DHX38: variants seen among roughly 807,000 people sequenced by gnomAD.
DHX38 encodes the protein pre-mRNA-splicing factor ATP-dependent RNA helicase PRP16.
A neutral mutation model predicts 153.1 loss-of-function variants in DHX38; 100 were observed. The observed-to-expected ratio is 0.65, with a 90% CI of 0.56 to 0.77. The LOEUF is 0.77. DHX38 is among the 30% of genes least tolerant of loss of function. DHX38 has a pLI of 0.00. For missense variants in DHX38, 1,440 were observed against 1,654.0 expected (o/e 0.87, Z 2.24); for synonymous variants, 650 against 631.7 (o/e 1.03, Z -0.43).
chr16:72,101,844 G>T (rs951564190), intron 11 of DHX38, among the ~76,000 whole-genome samples: 1 of 152,128 alleles, frequency 6.6e-6, no homozygotes, highest in Admixed American at 6.5e-5. Flanking sequence ...CTGGTGTTGT[G>T]AGAGGAAGGA....
rs1309762344 is a variant in DHX38 at position 72,103,954 on chromosome 16, T to C, written c.1833T>C (p.Tyr611=). Residue 611 remains tyrosine (Y), a synonymous_variant, in exon 14 of 27, where the codon TAT becomes TAC. Transcript: ENST00000268482. The part of the protein sequence containing the change: ...MGGNLGEEVG[Y]AIRFEDCTSE... Reference sequence around the variant, plus strand: ...ATCTCTCTGACCTCCAGGTGGGCTATGCCATCCGCTTTGAAGACTGCACTT... The same window carrying C: ...ATCTCTCTGACCTCCAGGTGGGCTACGCCATCCGCTTTGAAGACTGCACTT... 1 of 1,614,032 alleles carries C rather than the reference T, an allele frequency of 6.2e-7. No homozygotes were observed. Among genetic ancestry groups the C allele is most frequent in the Non-Finnish European group, 8.5e-7 (1 of 1,179,916 alleles).
rs1292509198 is a variant in DHX38, at chr16:72,105,268, C to A, written c.2299C>A (p.Leu767Met). 1.2e-6 allele frequency: 2 copies of A among 1,614,186 alleles called. No homozygotes were observed. Among genetic ancestry groups the A allele is most frequent in the Non-Finnish European group, 1.7e-6 (2 of 1,180,036 alleles). The part of the protein sequence containing the change: ...SDQIVEHLEE[L>M]ENAPALAVLP... ...CCAGATTGTGGAGCATCTGGAGGAA[C>A]TGGAGAACGCGCCTGCCCTGGCTGT... Residue 767 changes from leucine (L) to methionine (M), a missense_variant, in exon 17 of 27, where the codon CTG becomes ATG. Coordinates refer to ENST00000268482, the MANE Select transcript of DHX38 (RefSeq NM_014003.4).
rs779488493 is a variant in DHX38, at chr16:72,100,521, A to C, written c.1202A>C (p.Asn401Thr). Residue 401 changes from asparagine to threonine, a missense_variant, in exon 9 of 27, where the codon AAC (asparagine) becomes ACC (threonine). Asn to Thr is a moderately conservative substitution (Grantham distance 65). This residue lies in a region of DHX38 where 77 missense variants were observed against 125.4 expected (regional missense o/e 0.61). Transcript: ENST00000268482. ...GTGGATGAGGACTTTGAAGAGGACA[A>C]CGCGGCCAAGGTGCATCTGATGGTG... ...LEVDEDFEED[N>T]AAKVHLMVHN... 14 of 1,614,038 alleles carry C rather than the reference A, an allele frequency of 8.7e-6. No individual in the cohort carries two copies. The highest frequency in any genetic ancestry group is 1.2e-5 in the Non-Finnish European group (14 of 1,180,024).
At chr16:72,100,377 C>T in intron 8 of DHX38, 59 bp from the exon 9 acceptor site, 2 of 1,573,464 alleles carry the variant, frequency 1.3e-6, no homozygotes, top group Non-Finnish European at 8.6e-7. Context: ...TACCTCATAA[C>T]CTTTCAGGAC....
rs758302299 is a variant in DHX38 at position 72,104,161 on chromosome 16, G to A, written c.2010+30G>A. 72 of 1,607,646 alleles carry A rather than the reference G, an allele frequency of 4.5e-5. No homozygotes were observed. The highest frequency in any genetic ancestry group is 4.9e-5 in the Non-Finnish European group (58 of 1,175,564). ...GGGCTGTGTGGTTTGGTCTCTCTGC[G>A]CATGGGGTGTTGACCAGTGCACCAC... is the stretch of plus-strand genomic sequence containing the variant. On this transcript the variant is annotated intron_variant, in intron 14 of 26. Transcript: ENST00000268482. The surrounding 1 kb of genome is among the most constrained non-coding windows in gnomAD (Gnocchi z 4.5).
intron 17 of DHX38, 37 bp from the exon 18 acceptor site, chr16:72,105,480 G>A (rs1264616884): frequency 6.2e-7 from 1 of 1,612,554 alleles, no homozygotes; most frequent in Non-Finnish European, 8.5e-7. Flanking sequence ...CCTGTCTCGA[G>A]GGACTCATTT....
chr16:72,101,543 A>G lies in DHX38; in HGVS notation c.1430A>G (p.Asp477Gly). 6.4e-7 allele frequency: 1 copy of G among 1,552,106 alleles called. No homozygotes were observed. Among genetic ancestry groups the G allele is most frequent in the East Asian group, 2.4e-5 (1 of 40,936 alleles). The change falls in exon 11 of 27, where the codon GAT (aspartate) becomes GGT (glycine). Residue 477 changes from aspartate (D) to glycine (G), a missense_variant. By Grantham distance (94) the Asp-to-Gly change is moderately conservative (BLOSUM62 -1). Transcript: ENST00000268482. ...GAACTGGCGGGGACCAAACTGGGAG[A>G]TATAATGGGCGTCAAGAAGGAGGAA... ...HWELAGTKLG[D>G]IMGVKKEEEP...
chr16:72,109,960 C>T (rs1258427706), intron 25 of DHX38, among the ~76,000 whole-genome samples: 6 of 152,076 alleles, frequency 3.9e-5, no homozygotes, highest in Admixed American at 1.3e-4. Context: ...TAAATATAAC[C>T]TCTGTGCCGT....
At position 72,103,074 on chromosome 16, in the gene DHX38, G is replaced by A. The variant is rs1474591365; in HGVS notation, c.1500G>A (p.Arg500=). 2.5e-6 allele frequency: 4 copies of A among 1,614,060 alleles called. No homozygotes were observed. Among genetic ancestry groups the A allele is most frequent in the Non-Finnish European group, 3.4e-6 (4 of 1,180,038 alleles). ...TGTTTAGGCTGCTGTGTGTTCCTAG[G>A]ACAGAGCAGAAGTTTGCAGATCACA... ...AVTEDGKVDY[R]TEQKFADHMK... The change falls in exon 12 of 27, where the codon AGG becomes AGA. Residue 500 remains arginine (R), a splice_region_variant and synonymous_variant. Transcript: ENST00000268482.
At position 72,096,151 on chromosome 16, in the gene DHX38, T is replaced by G; in HGVS notation, c.-7T>G. ...GCCTTCCTTCCAGAGAAATCCCAGA[T>G]CCTGTGATGGGGGACACCAGTGAGG... On this transcript the variant is annotated 5_prime_UTR_variant, in exon 2 of 27. Coordinates refer to ENST00000268482, the MANE Select transcript of DHX38 (RefSeq NM_014003.4). 6.3e-7 allele frequency: 1 copy of G among 1,590,008 alleles called. No homozygotes were observed. The highest frequency in any genetic ancestry group is 8.6e-7 in the Non-Finnish European group (1 of 1,162,968).
chr16:72,105,600 C>A lies in DHX38; in HGVS notation c.2463C>A (p.Ile821=). 6.2e-7 allele frequency: 1 copy of A among 1,614,090 alleles called. No individual in the cohort carries two copies. Among genetic ancestry groups the A allele is most frequent in the Non-Finnish European group, 8.5e-7 (1 of 1,180,014 alleles). ...SLTVDGIMFV[I]DSGYCKLKVF... ...CTGTTGACGGCATCATGTTTGTTAT[C>A]GATTCTGGTTATTGCAAATTAAAGG... Residue 821 remains isoleucine, a synonymous_variant, in exon 18 of 27, where the codon ATC becomes ATA. Coordinates refer to ENST00000268482, the MANE Select transcript of DHX38 (RefSeq NM_014003.4).
rs1234464610 is a variant in DHX38, at chr16:72,104,083, C to T, written c.1962C>T (p.Ala654=). 1.2e-6 allele frequency: 2 copies of T among 1,614,110 alleles called. No individual in the cohort carries two copies. The highest frequency in any genetic ancestry group is 3.3e-5 in the Admixed American group (2 of 60,014). Residue 654 remains alanine, a synonymous_variant, in exon 14 of 27, where the codon GCC becomes GCT. Transcript: ENST00000268482. This position sits in a 1 kb window ranked among gnomAD's most constrained non-coding sequence, Gnocchi z 4.5. ...ACAGTGCCATCATCATGGACGAGGC[C>T]CACGAGCGCTCCCTCAACACTGACG... ...DHYSAIIMDE[A]HERSLNTDVL...
In DHX38 at chr16:72,112,830, A is replaced by G; in HGVS notation, c.*333A>G. 1 of 702,620 alleles carries G rather than the reference A, an allele frequency of 1.4e-6. No individual in the cohort carries two copies. The allele number at this position is 702,620 out of a possible 1,614,324, so 43.5% of individuals were successfully genotyped here. On this transcript the variant is annotated 3_prime_UTR_variant, in exon 27 of 27. Transcript: ENST00000268482. ...GGCTGTCTTTTTTAATCCTTGTGTA[A>G]AGCAGCAAAAAAGACCTAAAGGGAA...
intron 25 of DHX38, among the ~76,000 whole-genome samples, chr16:72,110,296 A>T (rs770205913): frequency 3.9e-5 from 6 of 152,212 alleles, no homozygotes; most frequent in Non-Finnish European, 7.3e-5. Flanking sequence ...GATGAGTCCA[A>T]CCGCTCAATT....
At chr16:72,100,712 T>C (rs2042087984) in intron 9 of DHX38, 115 bp downstream of exon 9, 3 of 1,437,034 alleles carry the variant, frequency 2.1e-6, no homozygotes, top group Middle Eastern at 2.5e-4. Flanking sequence ...GGGTGGATCA[T>C]TGGATACCAG....
Position 72,112,513 on chromosome 16 carries a change from A to C in DHX38, c.*16A>C. Reference sequence around the variant, plus strand: ...TGGTCTGTGAGCTGAGGCTGTCCCCAGAGAGGATGGCAGCAGGTATTGGGT... The same window carrying C: ...TGGTCTGTGAGCTGAGGCTGTCCCCCGAGAGGATGGCAGCAGGTATTGGGT... On this transcript the variant is annotated 3_prime_UTR_variant, in exon 27 of 27. Transcript: ENST00000268482. 6.2e-7 allele frequency: 1 copy of C among 1,611,352 alleles called. No homozygotes were observed. The highest frequency in any genetic ancestry group is 8.5e-7 in the Non-Finnish European group (1 of 1,179,936).
intron 10 of DHX38, 39 bp downstream of exon 10, chr16:72,101,232 A>T (rs763851337): frequency 5.6e-6 from 9 of 1,609,294 alleles, no homozygotes; most frequent in Non-Finnish European, 7.6e-6. Context: ...GTTTATGTGT[A>T]TTTTTTTCTT....
chr16:72,107,141 A>AG lies in DHX38; in HGVS notation c.2601-198dup, dbSNP rs1555539155. ...GAGTGAGACTCTGTCTAAAAAAAAA[A>AG]GAAATGAAACATGTAAGAGGCTCCA... On this transcript the variant is annotated intron_variant, in intron 19 of 26. Transcript: ENST00000268482. This position sits in a 1 kb window ranked among gnomAD's most constrained non-coding sequence, Gnocchi z 5.3. 6.6e-6 allele frequency among the ~76,000 whole-genome samples: 1 copy of AG among 152,190 alleles called. No individual in the cohort carries two copies. The highest frequency in any genetic ancestry group is 1.5e-5 in the Non-Finnish European group (1 of 68,030).
intron 3 of DHX38, 121 bp from the exon 4 acceptor site, chr16:72,097,556 A>G (rs1454691905): frequency 1.2e-6 from 1 of 856,952 alleles, no homozygotes. Context: ...TCCACGGATC[A>G]CATTCGAGCA....
Sources: gnomAD v4.1 joint callset for allele counts (sites outside exome capture counted in the v4.1 genomes callset) on GRCh38, gnomAD v4.1.1 for gene constraint, gnomAD v4.1.1 regional missense constraint, Gnocchi (gnomAD v3.1) non-coding constraint, MANE v1.5 for transcripts, NCBI Gene and HGNC (gene_info 2026-07-23, HGNC 2026-07-21) for gene names.